The following ATP11B variants were observed in gnomAD, a reference collection of about 807,000 sequenced individuals.
ATP11B encodes phospholipid-transporting ATPase IF.
A neutral mutation model predicts 157.8 loss-of-function variants in ATP11B; 81 were observed. The observed-to-expected ratio is 0.51, with a 90% CI of 0.43 to 0.62. The LOEUF is 0.62. Among genes scored for constraint, ATP11B ranks in the 20% least tolerant of loss-of-function variants. The probability of loss-of-function intolerance (pLI) is 0.00; values close to 1 mark genes in which losing one functional copy is unlikely to be tolerated. For missense variants in ATP11B, 1,165 were observed against 1,402.2 expected (o/e 0.83, Z 2.70); for synonymous variants, 451 against 469.4 (o/e 0.96, Z 0.51).
At chr3:182,864,692 C>CT (rs1721096284) in intron 12 of ATP11B, among the ~76,000 whole-genome samples, 1 of 151,900 alleles carries the variant, frequency 6.6e-6, no homozygotes, top group Admixed American at 6.6e-5. Flanking sequence ...TGATCTGTAG[C>CT]TTCTTTTCTT....
At chr3:182,823,523 T>C (rs1160780536) in intron 2 of ATP11B, among the ~76,000 whole-genome samples, 1 of 152,112 alleles carries the variant, frequency 6.6e-6, no homozygotes, top group Non-Finnish European at 1.5e-5. Context: ...TGTAGCCTTG[T>C]AGTATAGTTT....
chr3:182,873,693 A>G (rs918655786), intron 18 of ATP11B, 119 bp from the exon 19 acceptor site: 66 of 806,960 alleles, frequency 8.2e-5, no homozygotes, highest in South Asian at 2.3e-4. Context: ...ATATTGTATA[A>G]TAACATTCCT....
At chr3:182,897,031 G>A (rs1010866608) in intron 26 of ATP11B, among the ~76,000 whole-genome samples, 10 of 152,172 alleles carry the variant, frequency 6.6e-5, no homozygotes, top group Non-Finnish European at 1.3e-4. Context: ...GCAAGACAGC[G>A]TAATTTGTTT....
intron 1 of ATP11B, among the ~76,000 whole-genome samples, chr3:182,801,501 A>G (rs1716011500): frequency 6.6e-6 from 1 of 152,190 alleles, no homozygotes; most frequent in African/African-American, 2.4e-5. Context: ...AGTAGAGATA[A>G]TGGTATAATG....
Position 182,918,224 on chromosome 3 carries a change from A to G in ATP11B, c.*120A>G. On this transcript the variant is annotated 3_prime_UTR_variant, in exon 30 of 30. Coordinates refer to ENST00000323116, the MANE Select transcript of ATP11B (RefSeq NM_014616.3). Reference sequence around the variant, plus strand: ...TTCCAAAATCTTTGTAGTAGTTCATACCCACTCAGAGTTATAATGGCAAAC... The same window carrying G: ...TTCCAAAATCTTTGTAGTAGTTCATGCCCACTCAGAGTTATAATGGCAAAC... The G allele has an allele frequency of 7.1e-7, 1 of 1,412,414 alleles. No homozygotes were observed. Among genetic ancestry groups the G allele is most frequent in the Non-Finnish European group, 9.5e-7 (1 of 1,048,716 alleles). The allele number at this position is 1,412,414 out of a possible 1,614,324, so 87.5% of individuals were successfully genotyped here.
chr3:182,916,276 G>A, intron 29 of ATP11B: 2 of 985,264 alleles, frequency 2.0e-6, no homozygotes, highest in Non-Finnish European at 2.4e-6. Flanking sequence ...TAAGAGGTGG[G>A]GCAAGTCTGA....
intron 1 of ATP11B, among the ~76,000 whole-genome samples, chr3:182,814,248 A>G (rs1290455208): frequency 3.3e-5 from 5 of 151,804 alleles, no homozygotes; most frequent in Non-Finnish European, 7.4e-5. Flanking sequence ...TATTTTTAGT[A>G]AAGATGGGGT....
At chr3:182,829,609 G>A in intron 3 of ATP11B, 63 bp from the exon 4 acceptor site, 1 of 1,116,754 alleles carries the variant, frequency 9.0e-7, no homozygotes, top group African/African-American at 1.6e-5. Flanking sequence ...AATTTTAGAT[G>A]TTAATAGTGT....
chr3:182,830,771 C>T (rs191144739), intron 4 of ATP11B, among the ~76,000 whole-genome samples: 17 of 152,266 alleles, frequency 1.1e-4, no homozygotes, highest in Middle Eastern at 3.4e-3. Context: ...TTAGATTATG[C>T]ATCTACATGT....
rs750577740 is a variant in ATP11B at position 182,884,853 on chromosome 3, T to C, written c.2610T>C (p.Phe870=). Residue 870 remains phenylalanine (F), a synonymous_variant, in exon 22 of 30, where the codon TTT becomes TTC. Coordinates refer to ENST00000323116, the MANE Select transcript of ATP11B (RefSeq NM_014616.3). ...AATTGCTTTTTGTTCATGGTCATTT[T>C]TATTATATTAGAATAGCTACCCTTG... ...LSKLLFVHGH[F]YYIRIATLVQ... 6.4e-6 allele frequency: 10 copies of C among 1,561,410 alleles called. No homozygotes were observed. In the South Asian group the frequency reaches 1.1e-4, roughly 18 times the overall value.
At chr3:182,808,089 T>C (rs1716438099) in intron 1 of ATP11B, among the ~76,000 whole-genome samples, 1 of 152,242 alleles carries the variant, frequency 6.6e-6, no homozygotes, top group Admixed American at 6.5e-5. Flanking sequence ...GAGCACAATA[T>C]AGTAAGTCCA....
chr3:182,856,021 C>T (rs545314525), intron 10 of ATP11B, among the ~76,000 whole-genome samples: 65 of 152,290 alleles, frequency 4.3e-4, no homozygotes, highest in African/African-American at 1.4e-3. Flanking sequence ...CCAGCAGTTG[C>T]ACTCTTGGGC....
Position 182,819,892 on chromosome 3 carries a change from C to T in ATP11B, c.28-368C>T, listed in dbSNP as rs558173533. Reference sequence around the variant, plus strand: ...AATGCAGTAGGGATAGAAAATTTGTCCTCAAATACTTCTATAGGTCTCCCA... The same window carrying T: ...AATGCAGTAGGGATAGAAAATTTGTTCTCAAATACTTCTATAGGTCTCCCA... On this transcript the variant is annotated intron_variant, in intron 1 of 29. Coordinates refer to ENST00000323116, the MANE Select transcript of ATP11B (RefSeq NM_014616.3). Among the ~76,000 whole-genome samples the T allele has an allele frequency of 3.2e-4, 49 of 152,200 alleles. 1 individual carries two copies. Among genetic ancestry groups the T allele is most frequent in the Admixed American group, 1.4e-3 (22 of 15,278 alleles).
chr3:182,878,635 G>A (rs1722210956), intron 19 of ATP11B, among the ~76,000 whole-genome samples: 1 of 152,170 alleles, frequency 6.6e-6, no homozygotes, highest in Non-Finnish European at 1.5e-5. Flanking sequence ...GACTGTACTT[G>A]GAGTAGCACC....
chr3:182,879,542 A>G lies in ATP11B; in HGVS notation c.2299A>G (p.Thr767Ala), dbSNP rs370810912. Residue 767 changes from threonine (T) to alanine (A), a missense_variant, in exon 20 of 30, where the codon ACC (threonine) becomes GCC (alanine). By Grantham distance (58) the Thr-to-Ala change is moderately conservative. Transcript: ENST00000323116. ...VIQHGLVVDGTSLSLALREHE... is the reference protein window; with the variant it reads ...VIQHGLVVDGASLSLALREHE... ...TCAGCATGGGCTGGTAGTGGATGGG[A>G]CCAGCCTATCTCTTGCACTCAGGGA... 6.2e-7 allele frequency: 1 copy of G among 1,613,740 alleles called. No individual in the cohort carries two copies. The highest frequency in any genetic ancestry group is 1.3e-5 in the African/African-American group (1 of 75,030).
intron 1 of ATP11B, among the ~76,000 whole-genome samples, chr3:182,801,707 C>T (rs924129564): frequency 2.0e-5 from 3 of 152,152 alleles, no homozygotes; most frequent in South Asian, 4.1e-4. Flanking sequence ...TCTCCAAAAT[C>T]GCTTCTTCCT....
At chr3:182,804,840 C>A (rs1014943302) in intron 1 of ATP11B, among the ~76,000 whole-genome samples, 11 of 152,130 alleles carry the variant, frequency 7.2e-5, no homozygotes, top group Non-Finnish European at 1.5e-4. Flanking sequence ...CTAGATTTGC[C>A]TACTCTGAAC....
intron 12 of ATP11B, among the ~76,000 whole-genome samples, chr3:182,864,313 A>G (rs557933789): frequency 6.6e-6 from 1 of 152,292 alleles, no homozygotes; most frequent in East Asian, 1.9e-4. Flanking sequence ...TAAAAGTGAC[A>G]AAAGCAGTCT....
Position 182,819,235 on chromosome 3 carries a change from A to G in ATP11B, c.28-1025A>G, listed in dbSNP as rs377219308. On this transcript the variant is annotated intron_variant, in intron 1 of 29. Coordinates refer to ENST00000323116, the MANE Select transcript of ATP11B (RefSeq NM_014616.3). The stretch of plus-strand genomic sequence containing the variant: ...AGGCGCCCGCCACCACGCCCGGCTA[A>G]TTTTTTTTGTATTTTTTAGTAGAGA... Among the ~76,000 whole-genome samples the G allele has an allele frequency of 2.8e-4, 43 of 151,326 alleles. No homozygotes were observed. The East Asian group carries it at 7.4e-3, about 26-fold the overall frequency.
Sources: gnomAD v4.1 joint callset for allele counts (sites outside exome capture counted in the v4.1 genomes callset) on GRCh38, gnomAD v4.1.1 for gene constraint, MANE v1.5 for transcripts, NCBI Gene and HGNC (gene_info 2026-07-23, HGNC 2026-07-21) for gene names.